The following UNCX variants were observed in gnomAD, a reference collection of about 807,000 sequenced individuals.
UNCX encodes the protein UNC homeobox, also known as homeobox protein unc-4 homolog.
A neutral mutation model predicts 14.8 loss-of-function variants in UNCX; 4 were observed. The ratio of observed to expected loss-of-function variants is 0.27; its 90% CI spans 0.13 to 0.62. The LOEUF is 0.62. UNCX is among the 20% of genes least tolerant of loss of function. UNCX has a pLI of 0.86. For missense variants in UNCX, 749 were observed against 786.8 expected (o/e 0.95, Z 0.58); for synonymous variants, 459 against 395.8 (o/e 1.16, Z -1.90).
At chr7:1,234,076 A>ACCC (rs751327990) in intron 2 of UNCX, among the ~76,000 whole-genome samples, 1 of 126,610 alleles carries the variant, frequency 7.9e-6, no homozygotes, top group African/African-American at 3.0e-5. Context: ...AGGGAAGGGG[A>ACCC]CCCCCCCCCG....
At position 1,235,980 on chromosome 7, in the gene UNCX, T is replaced by C; in HGVS notation, c.599T>C (p.Met200Thr). ...EEIARKELEK[M>T]EKKKRKHEKK... The stretch of plus-strand genomic sequence containing the variant: ...ATCGCGCGCAAGGAGCTGGAGAAGA[T>C]GGAGAAGAAGAAGCGCAAGCACGAG... The change falls in exon 3 of 3, where the codon ATG becomes ACG. Residue 200 changes from methionine (M) to threonine (T), a missense_variant. By Grantham distance (81) the Met-to-Thr change is moderately conservative (BLOSUM62 -1). Transcript: ENST00000316333. 6.2e-7 allele frequency: 1 copy of C among 1,610,924 alleles called. No homozygotes were observed. The highest frequency in any genetic ancestry group is 1.1e-5 in the South Asian group (1 of 90,852).
rs1267483952 is a variant in UNCX at position 1,233,547 on chromosome 7, C to A, written c.302C>A (p.Pro101Gln). ...TCGGGGGACCCGGACAAGGAGAGCC[C>A]GGGCTGCAAGCGGCGGCGCACCCGC... ...SDSGDPDKESPGCKRRRTRTN... is the reference protein window; with the variant it reads ...SDSGDPDKESQGCKRRRTRTN... Residue 101 changes from proline to glutamine, a missense_variant, in exon 2 of 3, where the codon CCG (proline) becomes CAG (glutamine). Physicochemically the swap from Pro to Gln is moderately conservative, Grantham distance 76. Coordinates refer to ENST00000316333, the MANE Select transcript of UNCX (RefSeq NM_001080461.3). The surrounding 1 kb of genome is among the most constrained non-coding windows in gnomAD (Gnocchi z 5.3). 2.5e-6 allele frequency: 4 copies of A among 1,612,476 alleles called. No homozygotes were observed. The African/African-American group carries it at 4.0e-5, about 16-fold the overall frequency.
chr7:1,236,632 C>A lies in UNCX; in HGVS notation c.1251C>A (p.Pro417=), dbSNP rs1227776978. 179 of 1,054,816 alleles carry A rather than the reference C, an allele frequency of 1.7e-4. 2 individuals are homozygous for A. The East Asian group carries it at 0.014, about 85-fold the overall frequency. 65.3% of individuals were successfully genotyped at this position (1,054,816 alleles called of 1,614,324 possible). Residue 417 remains proline, a synonymous_variant, in exon 3 of 3, where the codon CCC becomes CCA. Coordinates refer to ENST00000316333, the MANE Select transcript of UNCX (RefSeq NM_001080461.3). This position sits in a 1 kb window ranked among gnomAD's most constrained non-coding sequence, Gnocchi z 6.9. ...CGCCGCCCGCGCCCGCCGTGCCGCC[C>A]GCGCCGCCTGCCCAGGCCAGTTTCG... ...KDAPPAPAVP[P]APPAQASFGA... is the part of the protein sequence containing the mutation.
At position 1,232,994 on chromosome 7, in the gene UNCX, G is replaced by C; in HGVS notation, c.-24G>C. ...GCCCGCGCCCCCGCGCCCCGCCACC[G>C]GCCCCGCCGGCCCCCCGCGCGAGAT... is the stretch of plus-strand genomic sequence containing the variant. On this transcript the variant is annotated 5_prime_UTR_variant, in exon 1 of 3. Transcript: ENST00000316333. 4.3e-6 allele frequency: 5 copies of C among 1,152,810 alleles called. No homozygotes were observed. The highest frequency in any genetic ancestry group is 5.3e-6 in the Non-Finnish European group (5 of 937,034). The allele number at this position is 1,152,810 out of a possible 1,614,324, so 71.4% of individuals were successfully genotyped here.
At chr7:1,235,729 G>T (rs1778725964) in intron 2 of UNCX, 103 bp from the exon 3 acceptor site, 1 of 1,069,474 alleles carries the variant, frequency 9.4e-7, no homozygotes, top group East Asian at 2.6e-5. Flanking sequence ...CCGGCCGAGC[G>T]GAGGTTGTGC....
rs755893339 is a variant in UNCX, at chr7:1,233,729, C to CCGGACCCCA, written c.450+35_450+43dup. 1 of 1,573,280 alleles carries CCGGACCCCA rather than the reference C, an allele frequency of 6.4e-7. No homozygotes were observed. The highest frequency in any genetic ancestry group is 1.4e-5 in the African/African-American group (1 of 72,916). On this transcript the variant is annotated intron_variant, in intron 2 of 2. Coordinates refer to ENST00000316333, the MANE Select transcript of UNCX (RefSeq NM_001080461.3). This position sits in a 1 kb window ranked among gnomAD's most constrained non-coding sequence, Gnocchi z 5.3. ...CCGGCGTCGCTCCCGGATCTGCCATCCGGACCCCAGGCTCTGGGCGCGCCG... is the reference window on the plus strand; with the variant it reads ...CCGGCGTCGCTCCCGGATCTGCCATCCGGACCCCACGGACCCCAGGCTCTGGGCGCGCCG...
chr7:1,236,266 A>G lies in UNCX; in HGVS notation c.885A>G (p.Pro295=). ...CGAGCCAAAGAAGCGGCGCCGGCCC[A>G]CAGCCGCGCCCAGGTCGCCCTGCGG... ...FYPSQRSGAG[P]QPRPGRPADK... The change falls in exon 3 of 3, where the codon CCA becomes CCG. Residue 295 remains proline (P), a synonymous_variant. Transcript: ENST00000316333. The surrounding 1 kb of genome is among the most constrained non-coding windows in gnomAD (Gnocchi z 6.9). 7.2e-7 allele frequency: 1 copy of G among 1,379,860 alleles called. No homozygotes were observed. The allele number at this position is 1,379,860 out of a possible 1,614,324, so 85.5% of individuals were successfully genotyped here. A position where few individuals can be genotyped will look rare whatever the true frequency, so the allele number is the denominator to read the frequency against.
In UNCX at chr7:1,234,908, C is replaced by A. The variant is rs570323721; in HGVS notation, c.451-924C>A. Among the ~76,000 whole-genome samples the A allele has an allele frequency of 3.3e-5, 5 of 152,084 alleles. No individual in the cohort carries two copies. The East Asian group carries it at 9.7e-4, about 29-fold the overall frequency. ...CTCTGTGTGGCCGCGACAAAGAATC[C>A]GTATTAACGCGCCCTCCTGGGGAGG... On this transcript the variant is annotated intron_variant, in intron 2 of 2. Coordinates refer to ENST00000316333, the MANE Select transcript of UNCX (RefSeq NM_001080461.3).
In UNCX at chr7:1,236,157, C is replaced by T. The variant is rs1778735859; in HGVS notation, c.776C>T (p.Ala259Val). ...PPPPAAKGPG[A>V]HASGAAGTAP... ...CCGCCCGCCGCCAAGGGCCCCGGAG[C>T]GCACGCCTCGGGCGCCGCGGGGACC... is the stretch of plus-strand genomic sequence containing the variant. The change falls in exon 3 of 3, where the codon GCG becomes GTG. Residue 259 changes from alanine to valine, a missense_variant. This residue lies in a region of UNCX where 552 missense variants were observed against 507.2 expected (regional missense o/e 1.09). Coordinates refer to ENST00000316333, the MANE Select transcript of UNCX (RefSeq NM_001080461.3). This position sits in a 1 kb window ranked among gnomAD's most constrained non-coding sequence, Gnocchi z 6.9. 6.6e-6 allele frequency: 8 copies of T among 1,213,136 alleles called. No homozygotes were observed. In the South Asian group the frequency reaches 2.1e-4, roughly 31 times the overall value. The allele number at this position is 1,213,136 out of a possible 1,614,324, so 75.1% of individuals were successfully genotyped here.
At position 1,233,847 on chromosome 7, in the gene UNCX, C is replaced by T. The variant is rs527471271; in HGVS notation, c.450+152C>T. ...GGGGAAGAGTGGAGGGGTGGGGGTT[C>T]TGGGGCTCGGCCCCTCACGGACAGC... On this transcript the variant is annotated intron_variant, in intron 2 of 2. Coordinates refer to ENST00000316333, the MANE Select transcript of UNCX (RefSeq NM_001080461.3). This position sits in a 1 kb window ranked among gnomAD's most constrained non-coding sequence, Gnocchi z 5.3. The T allele has an allele frequency of 9.8e-7, 1 of 1,022,758 alleles. No homozygotes were observed. Among genetic ancestry groups the T allele is most frequent in the South Asian group, 1.9e-5 (1 of 53,364 alleles). The allele number at this position is 1,022,758 out of a possible 1,614,324, so 63.4% of individuals were successfully genotyped here. A position where few individuals can be genotyped will look rare whatever the true frequency, so the allele number is the denominator to read the frequency against.
Position 1,233,207 on chromosome 7 carries a change from G to A in UNCX, c.190G>A (p.Ala64Thr), listed in dbSNP as rs1463856697. 1 of 1,443,996 alleles carries A rather than the reference G, an allele frequency of 6.9e-7. No homozygotes were observed. Among genetic ancestry groups the A allele is most frequent in the Non-Finnish European group, 9.1e-7 (1 of 1,100,932 alleles). The allele number at this position is 1,443,996 out of a possible 1,614,324, so 89.4% of individuals were successfully genotyped here. The change falls in exon 1 of 3, where the codon GCC becomes ACC. Residue 64 changes from alanine (A) to threonine (T), a missense_variant. Transcript: ENST00000316333. The surrounding 1 kb of genome is among the most constrained non-coding windows in gnomAD (Gnocchi z 5.3). ...CGGCCTGCTCGGGGGCTCGTGCGCCGCCGCCGCCTCGGTGGTCAACCCCAC... is the reference window on the plus strand; with the variant it reads ...CGGCCTGCTCGGGGGCTCGTGCGCCACCGCCGCCTCGGTGGTCAACCCCAC... ...IDGLLGGSCA[A>T]AASVVNPTPL... is the part of the protein sequence containing the mutation.
In UNCX at chr7:1,236,848, C is replaced by T. The variant is rs1482459582; in HGVS notation, c.1467C>T (p.Pro489=). Reference sequence around the variant, plus strand: ...CCGCCGGCCCCGCGCCCCCGCCGCCCGCGCCGTCGCCCAGGCCCGGCCCTC... The same window carrying T: ...CCGCCGGCCCCGCGCCCCCGCCGCCTGCGCCGTCGCCCAGGCCCGGCCCTC... ...AGTAGPAPPP[P]APSPRPGPRP... The change falls in exon 3 of 3, where the codon CCC becomes CCT. Residue 489 remains proline, a synonymous_variant. Transcript: ENST00000316333. The surrounding 1 kb of genome is among the most constrained non-coding windows in gnomAD (Gnocchi z 6.9). The T allele has an allele frequency of 6.0e-6, 6 of 1,002,146 alleles. No homozygotes were observed. The highest frequency in any genetic ancestry group is 7.1e-6 in the Non-Finnish European group (6 of 842,846). 62.1% of individuals were successfully genotyped at this position (1,002,146 alleles called of 1,614,324 possible). A position where few individuals can be genotyped will look rare whatever the true frequency, so the allele number is the denominator to read the frequency against.
chr7:1,233,669 C>G lies in UNCX; in HGVS notation c.424C>G (p.Leu142Val). The G allele has an allele frequency of 6.2e-7, 1 of 1,609,612 alleles. No individual in the cohort carries two copies. Among genetic ancestry groups the G allele is most frequent in the Non-Finnish European group, 8.5e-7 (1 of 1,177,994 alleles). Residue 142 changes from leucine to valine, a missense_variant, in exon 2 of 3, where the codon CTA becomes GTA. Around this residue, in one of 3 missense-constraint regions of UNCX, gnomAD observed 42 missense variants for 112.9 expected, o/e 0.37. Coordinates refer to ENST00000316333, the MANE Select transcript of UNCX (RefSeq NM_001080461.3). The surrounding 1 kb of genome is among the most constrained non-coding windows in gnomAD (Gnocchi z 5.3). ...CATGCGCGAGGCGCTGGCGCTGCGC[C>G]TAGACCTGGTCGAGTCCCGAGTTCA... ...VFMREALALR[L>V]DLVESRVQVW...
chr7:1,235,855 C>A lies in UNCX; in HGVS notation c.474C>A (p.Ala158=). The change falls in exon 3 of 3, where the codon GCC becomes GCA. Residue 158 remains alanine, a synonymous_variant. Coordinates refer to ENST00000316333, the MANE Select transcript of UNCX (RefSeq NM_001080461.3). The part of the protein sequence containing the change: ...RVQVWFQNRR[A]KWRKKENTKK... The stretch of plus-strand genomic sequence containing the variant: ...AGGTCTGGTTCCAAAACCGCCGGGC[C>A]AAGTGGAGGAAGAAGGAGAACACGA... The A allele has an allele frequency of 6.2e-7, 1 of 1,611,568 alleles. No individual in the cohort carries two copies. The highest frequency in any genetic ancestry group is 8.5e-7 in the Non-Finnish European group (1 of 1,179,550).
At position 1,233,196 on chromosome 7, in the gene UNCX, G is replaced by A; in HGVS notation, c.179G>A (p.Gly60Asp). The A allele has an allele frequency of 3.5e-6, 5 of 1,447,808 alleles. No individual in the cohort carries two copies. Among genetic ancestry groups the A allele is most frequent in the Admixed American group, 2.5e-5 (1 of 39,552 alleles). 89.7% of individuals were successfully genotyped at this position (1,447,808 alleles called of 1,614,324 possible). Residue 60 changes from glycine (G) to aspartate (D), a missense_variant, in exon 1 of 3, where the codon GGC becomes GAC. Transcript: ENST00000316333. This position sits in a 1 kb window ranked among gnomAD's most constrained non-coding sequence, Gnocchi z 5.3. ...VPFSIDGLLG[G>D]SCAAAASVVN... ...TTCTCCATCGACGGCCTGCTCGGGG[G>A]CTCGTGCGCCGCCGCCGCCTCGGTG...
rs1375041720 is a variant in UNCX at position 1,233,690 on chromosome 7, G to A, written c.445G>A (p.Val149Ile). 1.2e-6 allele frequency: 2 copies of A among 1,600,732 alleles called. No homozygotes were observed. The highest frequency in any genetic ancestry group is 3.4e-5 in the Admixed American group (2 of 59,024). ...GCGCCTAGACCTGGTCGAGTCCCGA[G>A]TTCAGGTAAAGACCCGGCGTCGCTC... ...ALRLDLVESR[V>I]QVWFQNRRAK... Residue 149 changes from valine to isoleucine, a missense_variant, in exon 2 of 3, where the codon GTT (valine) becomes ATT (isoleucine). Val to Ile is a conservative substitution (Grantham distance 29). Transcript: ENST00000316333. This position sits in a 1 kb window ranked among gnomAD's most constrained non-coding sequence, Gnocchi z 5.3.
In UNCX at chr7:1,236,571, A is replaced by T; in HGVS notation, c.1190A>T (p.Lys397Met). The stretch of plus-strand genomic sequence containing the variant: ...TTCCTGGTGCCGCAGGCCGCGCTCA[A>T]GGGCGGCGCGGGCCTGGAGCCGGCG... The part of the protein sequence containing the change: ...LGFLVPQAAL[K>M]GGAGLEPAPK... Residue 397 changes from lysine to methionine, a missense_variant, in exon 3 of 3, where the codon AAG becomes ATG. Lys to Met is a moderately conservative substitution (Grantham distance 95, BLOSUM62 -1). Coordinates refer to ENST00000316333, the MANE Select transcript of UNCX (RefSeq NM_001080461.3). The surrounding 1 kb of genome is among the most constrained non-coding windows in gnomAD (Gnocchi z 6.9). 7.6e-7 allele frequency: 1 copy of T among 1,311,482 alleles called. No individual in the cohort carries two copies. The highest frequency in any genetic ancestry group is 9.8e-7 in the Non-Finnish European group (1 of 1,018,266). 81.2% of individuals were successfully genotyped at this position (1,311,482 alleles called of 1,614,324 possible).
chr7:1,236,930 GC>G lies in UNCX; in HGVS notation c.1550del (p.Ala517GlyfsTer25). On this transcript the variant is annotated frameshift_variant, in exon 3 of 3. Coordinates refer to ENST00000316333, the MANE Select transcript of UNCX (RefSeq NM_001080461.3). LOFTEE classifies it high-confidence loss of function. The surrounding 1 kb of genome is among the most constrained non-coding windows in gnomAD (Gnocchi z 6.9). The part of the protein sequence containing the change: ...ATCGVPEPGA[A>X]AGPSPPEGEE... ...CTGCGGGGTTCCCGAGCCTGGCGCGGCGGCCGGACCCAGCCCGCCGGAGGGC... is the reference window on the plus strand; with the variant it reads ...CTGCGGGGTTCCCGAGCCTGGCGCGGGGCCGGACCCAGCCCGCCGGAGGGC... 8.4e-7 allele frequency: 1 copy of G among 1,193,582 alleles called. No homozygotes were observed. The highest frequency in any genetic ancestry group is 3.8e-5 in the South Asian group (1 of 26,504). The allele number at this position is 1,193,582 out of a possible 1,614,324, so 73.9% of individuals were successfully genotyped here.
Position 1,233,428 on chromosome 7 carries a change from G to C in UNCX, c.275-92G>C. On this transcript the variant is annotated intron_variant, in intron 1 of 2. Coordinates refer to ENST00000316333, the MANE Select transcript of UNCX (RefSeq NM_001080461.3). This position sits in a 1 kb window ranked among gnomAD's most constrained non-coding sequence, Gnocchi z 5.3. ...GGCCGTCTCTGCGCCCCCCCCCCCG[G>C]ATCCAGGCGGCCAGCGGGTAGCGGG... 1 of 1,132,542 alleles carries C rather than the reference G, an allele frequency of 8.8e-7. No individual in the cohort carries two copies. The highest frequency in any genetic ancestry group is 1.1e-6 in the Non-Finnish European group (1 of 883,720). 70.2% of individuals were successfully genotyped at this position (1,132,542 alleles called of 1,614,324 possible).
Sources: gnomAD v4.1 joint callset for allele counts (sites outside exome capture counted in the v4.1 genomes callset) on GRCh38, gnomAD v4.1.1 for gene constraint, gnomAD v4.1.1 regional missense constraint, Gnocchi (gnomAD v3.1) non-coding constraint, MANE v1.5 for transcripts, NCBI Gene and HGNC (gene_info 2026-07-23, HGNC 2026-07-21) for gene names.